TRAPPC12: variants seen among roughly 807,000 people sequenced by gnomAD.
The protein encoded by TRAPPC12 is TPR repeat protein 15.
TRAPPC12 carries 61 observed loss-of-function variants against 69.2 expected under a neutral mutation model. The ratio of observed to expected loss-of-function variants is 0.88; its 90% CI spans 0.72 to 1.09. The LOEUF (loss-of-function observed/expected upper bound fraction) is 1.09. Ranked by LOEUF, TRAPPC12 falls within the 50% of genes least tolerant of loss-of-function variation. The pLI, the probability that TRAPPC12 is intolerant of heterozygous loss-of-function variation, is 0.00. For missense variants in TRAPPC12, 1,101 were observed against 1,016.4 expected, an observed-to-expected ratio of 1.08 and a Z score of -1.13; for synonymous variants, 469 against 438.9, an observed-to-expected ratio of 1.07 and a Z score of -0.86.
intron 9 of TRAPPC12, among the ~76,000 whole-genome samples, chr2:3,470,521 C>T (rs959408666): frequency 3.9e-5 from 6 of 152,248 alleles, no homozygotes; most frequent in African/African-American, 7.2e-5. Context: ...ACAGACCAAT[C>T]CTGCCTCCAC....
intron 3 of TRAPPC12, among the ~76,000 whole-genome samples, chr2:3,419,167 G>C (rs1041411685): frequency 1.3e-5 from 2 of 152,208 alleles, no homozygotes; most frequent in African/African-American, 4.8e-5. Flanking sequence ...TGAGGGAAGA[G>C]GGCCCCAGCC....
intron 3 of TRAPPC12, among the ~76,000 whole-genome samples, chr2:3,404,691 C>T (rs747346065): frequency 1.3e-5 from 2 of 152,050 alleles, no homozygotes; most frequent in Non-Finnish European, 2.9e-5. Context: ...ACCAGTGCAT[C>T]TGAGGACCCA....
chr2:3,428,285 C>T (rs962331958), intron 5 of TRAPPC12, among the ~76,000 whole-genome samples: 4 of 152,200 alleles, frequency 2.6e-5, no homozygotes, highest in African/African-American at 9.7e-5. Context: ...ATCATACATA[C>T]ATTTTAGCAA....
At position 3,388,499 on chromosome 2, in the gene TRAPPC12, C is replaced by T; in HGVS notation, c.876C>T (p.Asp292=). The T allele has an allele frequency of 6.2e-7, 1 of 1,612,862 alleles. No individual in the cohort carries two copies. Among genetic ancestry groups the T allele is most frequent in the Non-Finnish European group, 8.5e-7 (1 of 1,179,700 alleles). The change falls in exon 2 of 12, where the codon GAC becomes GAT. Residue 292 remains aspartate (D), a synonymous_variant. Coordinates refer to ENST00000324266, the MANE Select transcript of TRAPPC12 (RefSeq NM_016030.6). The part of the protein sequence containing the change: ...HIQAVFAGSD[D]PFATALSMSE... ...AGGCAGTGTTTGCAGGGAGTGACGA[C>T]CCCTTTGCCACCGCCCTGAGCATGA...
chr2:3,408,094 A>G (rs1358321619), intron 3 of TRAPPC12, among the ~76,000 whole-genome samples: 2 of 152,100 alleles, frequency 1.3e-5, no homozygotes, highest in East Asian at 3.9e-4. Flanking sequence ...ACAAGTCTGA[A>G]GATCAGAATG....
intron 2 of TRAPPC12, among the ~76,000 whole-genome samples, chr2:3,391,305 C>T (rs912016695): frequency 2.4e-4 from 36 of 152,300 alleles, no homozygotes; most frequent in African/African-American, 8.7e-4. Flanking sequence ...CCCACTTACC[C>T]ACTCCACTCT....
At chr2:3,472,333 G>C (rs10205001) in intron 9 of TRAPPC12, 89,953 of 152,158 alleles carry the variant, frequency 0.59, 28,540 homozygotes, top group African/African-American at 0.84. Context: ...CCGTCTCGAC[G>C]AGGAGGGTGG....
intron 3 of TRAPPC12, among the ~76,000 whole-genome samples, chr2:3,419,339 G>A (rs1662639056): frequency 6.6e-6 from 1 of 152,228 alleles, no homozygotes; most frequent in Non-Finnish European, 1.5e-5. Flanking sequence ...AATTCAAAGA[G>A]AATATACAGA....
chr2:3,430,047 A>T (rs1663341065), intron 5 of TRAPPC12, among the ~76,000 whole-genome samples: 1 of 152,230 alleles, frequency 6.6e-6, no homozygotes, highest in Non-Finnish European at 1.5e-5. Context: ...AGAGAAATAC[A>T]TATACAGAGA....
intron 2 of TRAPPC12, among the ~76,000 whole-genome samples, chr2:3,396,708 G>T (rs1282015967): frequency 6.6e-6 from 1 of 151,994 alleles, no homozygotes; most frequent in Non-Finnish European, 1.5e-5. Context: ...CTTTTCTTCA[G>T]ACTTTTTAGT....
At chr2:3,463,463 C>G (rs1665624004) in intron 8 of TRAPPC12, among the ~76,000 whole-genome samples, 1 of 151,562 alleles carries the variant, frequency 6.6e-6, no homozygotes, top group Non-Finnish European at 1.5e-5. Flanking sequence ...CTTCCTCTCA[C>G]ACGGCTCCCA....
chr2:3,443,633 T>C (rs1558387297), intron 5 of TRAPPC12, 146 bp from the exon 6 acceptor site: 1 of 686,728 alleles, frequency 1.5e-6, no homozygotes, highest in Non-Finnish European at 2.7e-6. Context: ...TATTTTATAG[T>C]TGACACCGTT....
In TRAPPC12 at chr2:3,388,204, G is replaced by A. The variant is rs1046869122; in HGVS notation, c.581G>A (p.Arg194Lys). Residue 194 changes from arginine (R) to lysine (K), a missense_variant, in exon 2 of 12, where the codon AGG becomes AAG. Physicochemically the swap from Arg to Lys is conservative, Grantham distance 26 (BLOSUM62 2). Transcript: ENST00000324266. Reference protein sequence around the residue: ...SFGGASEASARTPPQVVQPSP... With the variant: ...SFGGASEASAKTPPQVVQPSP... ...GGTGGCGCCAGCGAGGCCTCGGCCAGGACACCGCCCCAGGTCGTGCAGCCC... is the reference window on the plus strand; with the variant it reads ...GGTGGCGCCAGCGAGGCCTCGGCCAAGACACCGCCCCAGGTCGTGCAGCCC... The A allele has an allele frequency of 1.2e-6, 2 of 1,609,482 alleles. No individual in the cohort carries two copies. The highest frequency in any genetic ancestry group is 1.7e-6 in the Non-Finnish European group (2 of 1,178,000).
chr2:3,395,287 A>G (rs1172412211), intron 2 of TRAPPC12, among the ~76,000 whole-genome samples: 1 of 152,230 alleles, frequency 6.6e-6, no homozygotes, highest in Non-Finnish European at 1.5e-5. Context: ...CGGTTTGTAT[A>G]TCTTTATAGA....
At position 3,424,644 on chromosome 2, in the gene TRAPPC12, C is replaced by T. The variant is rs1404354337; in HGVS notation, c.1398C>T (p.His466=). The T allele has an allele frequency of 2.0e-5, 32 of 1,610,986 alleles. No individual in the cohort carries two copies. The highest frequency in any genetic ancestry group is 2.7e-5 in the African/African-American group (2 of 74,764). The change falls in exon 5 of 12, where the codon CAC becomes CAT. Residue 466 remains histidine, a synonymous_variant. Coordinates refer to ENST00000324266, the MANE Select transcript of TRAPPC12 (RefSeq NM_016030.6). The part of the protein sequence containing the change: ...QPDLYYEYYP[H]VYPGRRGSMV... ...ATCTTTATTACGAGTACTACCCGCA[C>T]GTGTACCCTGGGCGCAGGGGTAAGG...
chr2:3,384,240 T>G (rs1380559453), intron 1 of TRAPPC12, among the ~76,000 whole-genome samples: 1 of 152,316 alleles, frequency 6.6e-6, no homozygotes, highest in African/African-American at 2.4e-5. Flanking sequence ...GTATTCTACA[T>G]AAATAATCAT....
At chr2:3,471,753 C>T (rs1489732307) in intron 9 of TRAPPC12, among the ~76,000 whole-genome samples, 1 of 152,130 alleles carries the variant, frequency 6.6e-6, no homozygotes, top group Non-Finnish European at 1.5e-5. Flanking sequence ...ACTTAGATTC[C>T]ACCTCAGAAT....
At chr2:3,406,448 A>G (rs1047629445) in intron 3 of TRAPPC12, among the ~76,000 whole-genome samples, 2 of 152,200 alleles carry the variant, frequency 1.3e-5, no homozygotes, top group Non-Finnish European at 2.9e-5. Context: ...CATCACACCA[A>G]GTTTAAATGT....
At chr2:3,422,860 T>A (rs1400823451) in intron 4 of TRAPPC12, among the ~76,000 whole-genome samples, 1 of 152,270 alleles carries the variant, frequency 6.6e-6, no homozygotes, top group African/African-American at 2.4e-5. Context: ...TGGCCTCTTT[T>A]ATGAACTTAG....
Sources: gnomAD v4.1 joint callset for allele counts (sites outside exome capture counted in the v4.1 genomes callset) on GRCh38, gnomAD v4.1.1 for gene constraint, MANE v1.5 for transcripts, NCBI Gene and HGNC (gene_info 2026-07-23, HGNC 2026-07-21) for gene names.